Variants in TSHZ2 observed in about 807,000 individuals in gnomAD.
TSHZ2 encodes teashirt homolog 2.
In TSHZ2, 21 loss-of-function variants were observed where a neutral mutation model predicts 74.4. That is an observed-to-expected ratio of 0.28 (90% CI 0.20 to 0.41). The LOEUF (loss-of-function observed/expected upper bound fraction) is 0.41, where lower values mean the gene tolerates loss of function less well. Among genes scored for constraint, TSHZ2 ranks in the 10% least tolerant of loss-of-function variants. The pLI is 1.00. For synonymous variants in TSHZ2, 540 were observed against 515.3 expected (o/e 1.05, Z -0.65); for missense variants, 1,244 against 1,293.5 (o/e 0.96, Z 0.59).
intron 1 of TSHZ2, among the ~76,000 whole-genome samples, chr20:53,171,718 G>A (rs1170638483): frequency 6.6e-6 from 1 of 151,984 alleles, no homozygotes; most frequent in African/African-American, 2.4e-5. Flanking sequence ...TGACTTTTCT[G>A]AGGCTAAAAC....
At chr20:52,988,028 C>T (rs1443553116) in intron 1 of TSHZ2, among the ~76,000 whole-genome samples, 3 of 151,522 alleles carry the variant, frequency 2.0e-5, no homozygotes, top group Non-Finnish European at 2.9e-5. Flanking sequence ...TTTTATTCTT[C>T]CTTCATTTCC....
At chr20:53,005,117 G>C (rs1016862607) in intron 1 of TSHZ2, among the ~76,000 whole-genome samples, 2 of 152,092 alleles carry the variant, frequency 1.3e-5, no homozygotes, top group African/African-American at 4.8e-5. Flanking sequence ...TTCGAGACCA[G>C]CCTGGGCAAC....
rs537632570 is a variant in TSHZ2, at chr20:53,233,111, G to A, written c.41-20388G>A. ...CTGAAATAGCTTCCAACTGCCCCCTGGCAGCCATTTTAAGATACCATTGAT... is the reference window on the plus strand; with the variant it reads ...CTGAAATAGCTTCCAACTGCCCCCTAGCAGCCATTTTAAGATACCATTGAT... On this transcript the variant is annotated intron_variant, in intron 1 of 2. Coordinates refer to ENST00000371497, the MANE Select transcript of TSHZ2 (RefSeq NM_173485.6). 3.0e-4 allele frequency among the ~76,000 whole-genome samples: 45 copies of A among 151,756 alleles called. 1 individual carries two copies. Among genetic ancestry groups the A allele is most frequent in the Non-Finnish European group, 6.0e-4 (41 of 67,930 alleles).
chr20:53,185,361 A>G (rs1034841713), intron 1 of TSHZ2: 4 of 1,171,364 alleles, frequency 3.4e-6, no homozygotes, highest in African/African-American at 3.1e-5. Flanking sequence ...TTGCTCCAAA[A>G]TTGGTGATAG....
intron 1 of TSHZ2, among the ~76,000 whole-genome samples, chr20:53,116,194 C>G (rs1389789593): frequency 6.7e-6 from 1 of 149,784 alleles, no homozygotes; most frequent in Non-Finnish European, 1.5e-5. Flanking sequence ...TAATTGATTG[C>G]ATTACATTAT....
intron 2 of TSHZ2, among the ~76,000 whole-genome samples, chr20:53,405,068 G>A (rs932408567): frequency 6.6e-6 from 1 of 152,070 alleles, no homozygotes; most frequent in African/African-American, 2.4e-5. Flanking sequence ...TGGCCACCAG[G>A]GCGAAAACCT....
Position 53,360,881 on chromosome 20 carries a change from G to A in TSHZ2, c.*8+104310G>A, listed in dbSNP as rs140005857. On this transcript the variant is annotated intron_variant, in intron 2 of 2. Coordinates refer to ENST00000371497, the MANE Select transcript of TSHZ2 (RefSeq NM_173485.6). Reference sequence around the variant, plus strand: ...TAAAAACTTTTGTGTTCAGGATAATGCCAGAAGCCAAGCTCTCTTCTATTT... The same window carrying A: ...TAAAAACTTTTGTGTTCAGGATAATACCAGAAGCCAAGCTCTCTTCTATTT... Among the ~76,000 whole-genome samples, 5 of 152,282 alleles carry A rather than the reference G, an allele frequency of 3.3e-5. No individual in the cohort carries two copies. The East Asian group carries it at 7.7e-4, about 23-fold the overall frequency.
At chr20:53,336,729 G>T (rs1211520812) in intron 2 of TSHZ2, among the ~76,000 whole-genome samples, 4 of 152,128 alleles carry the variant, frequency 2.6e-5, no homozygotes, top group Non-Finnish European at 4.4e-5. Context: ...AATCAGCCAG[G>T]ACTTTAACAG....
chr20:53,392,841 C>T (rs1447615538), intron 2 of TSHZ2, among the ~76,000 whole-genome samples: 1 of 151,758 alleles, frequency 6.6e-6, no homozygotes, highest in African/African-American at 2.4e-5. Flanking sequence ...AGTAGTTTTT[C>T]TTTTTTTTCT....
chr20:53,112,252 T>C (rs1364734812), intron 1 of TSHZ2, among the ~76,000 whole-genome samples: 2 of 152,174 alleles, frequency 1.3e-5, no homozygotes, highest in Admixed American at 1.3e-4. Context: ...CTAGCTCATG[T>C]CCTATGTCCC....
At chr20:53,301,408 C>T (rs184394996) in intron 2 of TSHZ2, among the ~76,000 whole-genome samples, 347 of 152,306 alleles carry the variant, frequency 2.3e-3, no homozygotes, top group Middle Eastern at 3.4e-3. Flanking sequence ...CATTTAATCT[C>T]TGGGTTTTAT....
In TSHZ2 at chr20:53,256,204, C is replaced by A; in HGVS notation, c.2746C>A (p.Leu916Met). ...QLRKTGGTKF[L>M]KNMDKGHPIF... ...TAGGAAAACGGGCGGGACAAAATTT[C>A]TGAAAAACATGGACAAAGGCCACCC... is the stretch of plus-strand genomic sequence containing the variant. Residue 916 changes from leucine (L) to methionine (M), a missense_variant, in exon 2 of 3, where the codon CTG becomes ATG. This residue lies in a region of TSHZ2 where 185 missense variants were observed against 213.3 expected (regional missense o/e 0.87). Transcript: ENST00000371497. This position sits in a 1 kb window ranked among gnomAD's most constrained non-coding sequence, Gnocchi z 4.3. The A allele has an allele frequency of 6.2e-7, 1 of 1,613,044 alleles. No individual in the cohort carries two copies. Among genetic ancestry groups the A allele is most frequent in the African/African-American group, 1.3e-5 (1 of 75,018 alleles).
At chr20:53,431,456 C>CAA (rs58938803) in intron 2 of TSHZ2, among the ~76,000 whole-genome samples, 1 of 134,586 alleles carries the variant, frequency 7.4e-6, no homozygotes, top group Non-Finnish European at 1.6e-5. Context: ...AACTCTGTCT[C>CAA]AAAAAAAAAA....
At chr20:53,400,379 C>T (rs1243958851) in intron 2 of TSHZ2, 5 of 152,312 alleles carry the variant, frequency 3.3e-5, no homozygotes, top group Admixed American at 6.5e-5. Context: ...GACACAGAAA[C>T]GCAGCATAAG....
chr20:53,230,617 G>A (rs137918168), intron 1 of TSHZ2, among the ~76,000 whole-genome samples: 169 of 152,338 alleles, frequency 1.1e-3, no homozygotes, highest in African/African-American at 3.8e-3. Flanking sequence ...TCATTGCCGG[G>A]CATGGTGGCT....
rs369451696 is a variant in TSHZ2 at position 53,180,016 on chromosome 20, G to T, written c.41-73483G>T. 7.4e-4 allele frequency among the ~76,000 whole-genome samples: 112 copies of T among 152,332 alleles called. 2 individuals carry two copies. In the South Asian group the frequency reaches 0.021, roughly 29 times the overall value. On this transcript the variant is annotated intron_variant, in intron 1 of 2. Transcript: ENST00000371497. ...AAGGAAAATACGCATTTCACCAGAT[G>T]CATATTATAGGCACATAAACTGTCA...
At chr20:53,253,042 C>G (rs147366755) in intron 1 of TSHZ2, among the ~76,000 whole-genome samples, 1 of 151,938 alleles carries the variant, frequency 6.6e-6, no homozygotes, top group Non-Finnish European at 1.5e-5. Flanking sequence ...TGGTTATATG[C>G]CAATATATCC....
intron 1 of TSHZ2, among the ~76,000 whole-genome samples, chr20:53,018,871 C>T (rs994231140): frequency 2.0e-5 from 3 of 152,146 alleles, no homozygotes; most frequent in South Asian, 2.1e-4. Flanking sequence ...TCTTTCAATT[C>T]GTTTTCTGGA....
intron 2 of TSHZ2, among the ~76,000 whole-genome samples, chr20:53,400,715 G>A (rs975471862): frequency 3.9e-5 from 6 of 152,126 alleles, no homozygotes; most frequent in African/African-American, 1.2e-4. Flanking sequence ...TCTCAGCTGG[G>A]CACAGTTAAG....
Sources: allele counts gnomAD v4.1 joint callset (sites outside exome capture counted in the v4.1 genomes callset), GRCh38; gene constraint gnomAD v4.1.1; regional missense constraint gnomAD v4.1.1; non-coding constraint Gnocchi (gnomAD v3.1); transcripts MANE v1.5; gene names NCBI Gene and HGNC (gene_info 2026-07-23, HGNC 2026-07-21).